Variants in COBL observed in about 807,000 individuals in gnomAD.
COBL encodes cordon-bleu WH2 repeat protein.
In COBL, 51 loss-of-function variants were observed where a neutral mutation model predicts 98.8. The observed-to-expected ratio is 0.52, with a 90% confidence interval of 0.41 to 0.65. COBL has a LOEUF of 0.65. COBL is among the 30% of genes least tolerant of loss of function. The pLI is 0.00. For synonymous variants in COBL, 634 were observed against 651.7 expected, an observed-to-expected ratio of 0.97 and a Z score of 0.41; for missense variants, 1,617 against 1,617.5, an observed-to-expected ratio of 1.00 and a Z score of 0.01.
intron 1 of COBL, among the ~76,000 whole-genome samples, chr7:51,289,673 G>C (rs1800706604): frequency 6.6e-6 from 1 of 152,186 alleles, no homozygotes; most frequent in South Asian, 2.1e-4. Context: ...AATTATATGT[G>C]AACACTCCCA....
chr7:51,019,943 G>A (rs572834107), intron 12 of COBL, among the ~76,000 whole-genome samples: 154 of 152,264 alleles, frequency 1.0e-3, no homozygotes, highest in African/African-American at 3.6e-3. Flanking sequence ...TCTCTTTCCT[G>A]GTTTGGGGCC....
At chr7:51,218,080 G>A (rs1793267584) in intron 2 of COBL, among the ~76,000 whole-genome samples, 1 of 152,232 alleles carries the variant, frequency 6.6e-6, no homozygotes, top group Non-Finnish European at 1.5e-5. Context: ...CCACACTGGA[G>A]AGCAGGCTGG....
chr7:51,089,102 A>G (rs571871600), intron 6 of COBL, among the ~76,000 whole-genome samples: 8 of 152,262 alleles, frequency 5.3e-5, no homozygotes, highest in South Asian at 2.1e-4. Context: ...GTCATGTGCA[A>G]ACAAACATGT....
Position 51,313,559 on chromosome 7 carries a change from T to C in COBL, c.41+3034A>G, listed in dbSNP as rs114006215. Among the ~76,000 whole-genome samples, 987 of 152,336 alleles carry C rather than the reference T, an allele frequency of 6.5e-3. 14 individuals are homozygous for C. Among genetic ancestry groups the C allele is most frequent in the African/African-American group, 0.023 (941 of 41,578 alleles). Reference sequence around the variant, plus strand: ...GAGCAAACTGCTTGAATACAGCCATTGATCAAATGCACCAGCTGTTTTGAC... The same window carrying C: ...GAGCAAACTGCTTGAATACAGCCATCGATCAAATGCACCAGCTGTTTTGAC... On this transcript the variant is annotated intron_variant, in intron 1 of 12. Coordinates refer to ENST00000265136, the MANE Select transcript of COBL (RefSeq NM_015198.5).
chr7:51,168,407 G>A (rs1787539506), intron 5 of COBL, among the ~76,000 whole-genome samples: 1 of 150,312 alleles, frequency 6.7e-6, no homozygotes, highest in Non-Finnish European at 1.5e-5. Context: ...CTGCACTCCA[G>A]CACCAGTGAC....
chr7:51,147,983 C>T (rs1442914218), intron 5 of COBL, among the ~76,000 whole-genome samples: 8 of 152,040 alleles, frequency 5.3e-5, no homozygotes, highest in African/African-American at 9.6e-5. Flanking sequence ...AGGATGGTCA[C>T]GATCTCCGGA....
chr7:51,152,906 G>A (rs1583980401), intron 5 of COBL, among the ~76,000 whole-genome samples: 1 of 152,192 alleles, frequency 6.6e-6, no homozygotes, highest in East Asian at 1.9e-4. Flanking sequence ...ACTTAGATCT[G>A]CCATCCATGG....
chr7:51,244,117 G>A (rs1796074218), intron 1 of COBL, among the ~76,000 whole-genome samples: 1 of 152,184 alleles, frequency 6.6e-6, no homozygotes, highest in African/African-American at 2.4e-5. Context: ...GCACACACAT[G>A]TGTGCTCAGC....
chr7:51,309,198 T>C (rs1267306505), intron 1 of COBL, among the ~76,000 whole-genome samples: 1 of 152,138 alleles, frequency 6.6e-6, no homozygotes, highest in East Asian at 1.9e-4. Context: ...GATGTGATTA[T>C]GGTTGGGCCA....
chr7:51,054,783 A>G lies in COBL; in HGVS notation c.1097-11091T>C, dbSNP rs151262191. 2.5e-3 allele frequency among the ~76,000 whole-genome samples: 382 copies of G among 152,342 alleles called. 1 individual carries two copies. The highest frequency in any genetic ancestry group is 4.3e-3 in the Non-Finnish European group (293 of 68,034). On this transcript the variant is annotated intron_variant, in intron 7 of 12. Transcript: ENST00000265136. ...CTACGCATTTACAATGATGTCCACG[A>G]CAGAAAACCCAGCCTTTCAAGATGC... is the stretch of plus-strand genomic sequence containing the variant.
In COBL at chr7:51,029,198, G is replaced by C; in HGVS notation, c.1898C>G (p.Ser633Cys). 6.2e-7 allele frequency: 1 copy of C among 1,614,164 alleles called. No individual in the cohort carries two copies. The highest frequency in any genetic ancestry group is 8.5e-7 in the Non-Finnish European group (1 of 1,180,022). Residue 633 changes from serine to cysteine, a missense_variant, in exon 10 of 13, where the codon TCT (serine) becomes TGT (cysteine). Ser to Cys is a moderately radical substitution (Grantham distance 112, BLOSUM62 -1). Coordinates refer to ENST00000265136, the MANE Select transcript of COBL (RefSeq NM_015198.5). Reference sequence around the variant, plus strand: ...GTCTGTGTGAAGATTCGAAGCAAAAGAAGTCACCCTGGGCGCCGTTTCCAT... The same window carrying C: ...GTCTGTGTGAAGATTCGAAGCAAAACAAGTCACCCTGGGCGCCGTTTCCAT... ...NLMETAPRVT[S>C]FASNLHTDNL...
intron 1 of COBL, among the ~76,000 whole-genome samples, chr7:51,224,902 TC>T (rs1794031487): frequency 6.6e-6 from 1 of 152,160 alleles, no homozygotes; most frequent in African/African-American, 2.4e-5. Flanking sequence ...CCTCAGGTGA[TC>T]CGCCTGCATG....
At chr7:51,287,683 G>T (rs1800501599) in intron 1 of COBL, among the ~76,000 whole-genome samples, 1 of 152,148 alleles carries the variant, frequency 6.6e-6, no homozygotes, top group African/African-American at 2.4e-5. Flanking sequence ...ACCTGTACAT[G>T]AATGTTTATA....
intron 7 of COBL, among the ~76,000 whole-genome samples, chr7:51,080,907 C>CAAATG (rs1793587744): frequency 5.7e-5 from 1 of 17,500 alleles, no homozygotes; most frequent in Non-Finnish European, 1.7e-4. Context: ...AACGATACAA[C>CAAATG]AAATGAAAAG....
chr7:51,205,068 G>T (rs1584163036), intron 2 of COBL, among the ~76,000 whole-genome samples: 1 of 152,300 alleles, frequency 6.6e-6, no homozygotes, highest in South Asian at 2.1e-4. Context: ...AATTAATATT[G>T]TTACAATTTC....
intron 1 of COBL, 36 bp downstream of exon 1, chr7:51,316,557 C>T (rs1005488806): frequency 5.0e-6 from 6 of 1,207,274 alleles, no homozygotes; most frequent in Admixed American, 8.7e-5. Flanking sequence ...CCAGGGAAGC[C>T]CCCTCTCCAC....
At chr7:51,034,699 G>T (rs1378568517) in intron 8 of COBL, 1 of 152,242 alleles carries the variant, frequency 6.6e-6, no homozygotes, top group African/African-American at 2.4e-5. Context: ...CCCTAGGTAT[G>T]TGTCCCTGAA....
intron 7 of COBL, among the ~76,000 whole-genome samples, chr7:51,055,065 T>C (rs1234298319): frequency 6.6e-6 from 1 of 152,142 alleles, no homozygotes; most frequent in Admixed American, 6.5e-5. Context: ...AGAAGAGGAC[T>C]TGCAGATATG....
chr7:51,183,159 G>C (rs1014533439), intron 5 of COBL, among the ~76,000 whole-genome samples: 1 of 152,188 alleles, frequency 6.6e-6, no homozygotes, highest in Non-Finnish European at 1.5e-5. Flanking sequence ...CAGGTGTCCG[G>C]CCTTGGGCTA....
Sources: allele counts gnomAD v4.1 joint callset (sites outside exome capture counted in the v4.1 genomes callset), GRCh38; gene constraint gnomAD v4.1.1; transcripts MANE v1.5; gene names NCBI Gene and HGNC (gene_info 2026-07-23, HGNC 2026-07-21).